The following CSMD2 variants were observed in gnomAD, a reference collection of about 807,000 sequenced individuals.
CSMD2 encodes CUB and Sushi multiple domains 2.
In CSMD2, 130 loss-of-function variants were observed where a neutral mutation model predicts 398.5. The observed-to-expected ratio is 0.33, with a 90% CI of 0.28 to 0.38. The LOEUF (loss-of-function observed/expected upper bound fraction) is 0.38, where lower values mean the gene tolerates loss of function less well. Among genes scored for constraint, CSMD2 ranks in the 10% least tolerant of loss-of-function variants. The pLI is 1.00. For synonymous variants in CSMD2, 1,828 were observed against 1,908.5 expected, an observed-to-expected ratio of 0.96 and a Z score of 1.10; for missense variants, 3,829 against 4,764.9, an observed-to-expected ratio of 0.80 and a Z score of 5.78.
intron 1 of CSMD2, among the ~76,000 whole-genome samples, chr1:34,106,967 C>T (rs956717681): frequency 6.6e-6 from 1 of 152,228 alleles, no homozygotes; most frequent in African/African-American, 2.4e-5. Flanking sequence ...CCTAAGCCAA[C>T]ACTAGTCAAG....
chr1:33,778,422 G>A (rs758076773), intron 12 of CSMD2, among the ~76,000 whole-genome samples: 1 of 152,046 alleles, frequency 6.6e-6, no homozygotes, highest in Non-Finnish European at 1.5e-5. Flanking sequence ...GTATAACAGC[G>A]AATAAAAGGA....
At chr1:33,699,152 T>C (rs1461770365) in intron 23 of CSMD2, among the ~76,000 whole-genome samples, 2 of 152,176 alleles carry the variant, frequency 1.3e-5, no homozygotes, top group Non-Finnish European at 2.9e-5. Flanking sequence ...TATATGTAAA[T>C]GATTTCTGCT....
chr1:34,139,808 T>C (rs1639101594), intron 1 of CSMD2, among the ~76,000 whole-genome samples: 1 of 152,204 alleles, frequency 6.6e-6, no homozygotes, highest in Non-Finnish European at 1.5e-5. Flanking sequence ...ATCTTATTCA[T>C]TGTTGTTGTT....
intron 14 of CSMD2, among the ~76,000 whole-genome samples, chr1:33,742,541 C>G (rs4393118): frequency 0.44 from 65,884 of 148,352 alleles, 15,130 homozygotes; most frequent in African/African-American, 0.51. Flanking sequence ...TTCTTGCTAT[C>G]TTTGGTGGCT....
chr1:33,960,960 G>A (rs1645338459), intron 3 of CSMD2, among the ~76,000 whole-genome samples: 1 of 152,204 alleles, frequency 6.6e-6, no homozygotes, highest in South Asian at 2.1e-4. Flanking sequence ...ATCCCTGTGT[G>A]GGCACAGACA....
Position 33,533,088 on chromosome 1 carries a change from G to A in CSMD2, c.10133C>T (p.Ala3378Val), listed in dbSNP as rs544963998. 73 of 1,613,462 alleles carry A rather than the reference G, an allele frequency of 4.5e-5. No homozygotes were observed. The highest frequency in any genetic ancestry group is 5.8e-5 in the Non-Finnish European group (68 of 1,179,874). ...CGGCTTGCCTGTCCAGCTGCCATCC[G>A]CCTTGCAGGTGCGGTGCTCGGAGCC... ...KGGSEHRTCK[A>V]DGSWTGKPPI... Residue 3378 changes from alanine (A) to valine (V), a missense_variant, in exon 64 of 71, where the codon GCG becomes GTG. Around this residue, in one of 5 missense-constraint regions of CSMD2, gnomAD observed 917 missense variants for 1,199.5 expected, o/e 0.76. Transcript: ENST00000373381. This position sits in a 1 kb window ranked among gnomAD's most constrained non-coding sequence, Gnocchi z 4.2.
intron 41 of CSMD2, among the ~76,000 whole-genome samples, chr1:33,608,912 A>G (rs1640814793): frequency 6.6e-6 from 1 of 152,208 alleles, no homozygotes; most frequent in Admixed American, 6.5e-5. Context: ...ACTAAGACAC[A>G]GGAAAGCCTT....
chr1:33,915,699 G>C (rs143985315), intron 5 of CSMD2, among the ~76,000 whole-genome samples: 16 of 152,352 alleles, frequency 1.1e-4, no homozygotes, highest in African/African-American at 3.1e-4. Flanking sequence ...CAGGGAACTG[G>C]CAAGGGTATT....
rs545789016 is a variant in CSMD2, at chr1:33,679,959, C to T, written c.4052+12971G>A. 3.9e-4 allele frequency among the ~76,000 whole-genome samples: 58 copies of T among 148,636 alleles called. No homozygotes were observed. In the Middle Eastern group the frequency reaches 0.011, roughly 27 times the overall value. ...TTTTTGAGATGGAGTCTTGCTCTGT[C>T]ACCCAGGCTGGAGTGCAGTGGCACA... On this transcript the variant is annotated intron_variant, in intron 25 of 70. Coordinates refer to ENST00000373381, the MANE Select transcript of CSMD2 (RefSeq NM_001281956.2).
chr1:33,596,907 G>T (rs772734271), intron 44 of CSMD2, among the ~76,000 whole-genome samples: 1 of 152,126 alleles, frequency 6.6e-6, no homozygotes, highest in Admixed American at 6.5e-5. Flanking sequence ...TTTAGCTTTC[G>T]TTTTATTTAT....
At chr1:33,949,115 C>T (rs1381763688) in intron 3 of CSMD2, among the ~76,000 whole-genome samples, 1 of 152,180 alleles carries the variant, frequency 6.6e-6, no homozygotes, top group African/African-American at 2.4e-5. Flanking sequence ...ATCTCAGCTT[C>T]CTCAGCAATA....
At chr1:33,935,702 T>G (rs1179225367) in intron 4 of CSMD2, 58 bp downstream of exon 4, 10 of 1,507,508 alleles carry the variant, frequency 6.6e-6, no homozygotes, top group Non-Finnish European at 8.9e-6. Flanking sequence ...CACTGGAAGC[T>G]CCAGCATCAC....
intron 3 of CSMD2, among the ~76,000 whole-genome samples, chr1:33,990,373 A>G (rs1646508257): frequency 1.3e-5 from 2 of 152,196 alleles, no homozygotes; most frequent in South Asian, 4.1e-4. Context: ...ATGGGCTGTG[A>G]GCTCACTCCT....
intron 3 of CSMD2, among the ~76,000 whole-genome samples, chr1:33,970,078 C>T (rs1434832585): frequency 6.6e-6 from 1 of 150,582 alleles, no homozygotes; most frequent in Admixed American, 6.6e-5. Flanking sequence ...TGCACTCCAG[C>T]CTGGGCAACA....
rs141885897 is a variant in CSMD2, at chr1:34,078,051, T to A, written c.404+10926A>T. Among the ~76,000 whole-genome samples, 199 of 152,298 alleles carry A rather than the reference T, an allele frequency of 1.3e-3. 4 individuals carry two copies. In the East Asian group the frequency reaches 0.027, roughly 21 times the overall value. On this transcript the variant is annotated intron_variant, in intron 2 of 70. Transcript: ENST00000373381. The stretch of plus-strand genomic sequence containing the variant: ...GGTTTTACTGTGTTGCCCGTGCTAG[T>A]CTTGAATTCCCAGGTTCAAACAATC...
chr1:33,629,256 G>C (rs987728431), intron 32 of CSMD2, among the ~76,000 whole-genome samples: 2 of 152,074 alleles, frequency 1.3e-5, no homozygotes, highest in Non-Finnish European at 2.9e-5. Context: ...TAATATAAAA[G>C]TCCAAATATA....
intron 1 of CSMD2, among the ~76,000 whole-genome samples, chr1:34,160,843 C>T (rs1423669743): frequency 6.6e-6 from 1 of 152,078 alleles, no homozygotes; most frequent in Non-Finnish European, 1.5e-5. Context: ...ACATACAAAG[C>T]AGGGGAAATT....
intron 6 of CSMD2, among the ~76,000 whole-genome samples, chr1:33,838,115 A>G (rs776303433): frequency 6.6e-6 from 1 of 152,132 alleles, no homozygotes; most frequent in Non-Finnish European, 1.5e-5. Flanking sequence ...TTTCTTCCCA[A>G]TGGATTCAGA....
chr1:34,128,997 A>G (rs1402410116), intron 1 of CSMD2, among the ~76,000 whole-genome samples: 1 of 89,500 alleles, frequency 1.1e-5, no homozygotes, highest in Admixed American at 1.4e-4. Context: ...CACTACATAC[A>G]TGTGTACCCC....
Sources: allele counts gnomAD v4.1 joint callset (sites outside exome capture counted in the v4.1 genomes callset), GRCh38; gene constraint gnomAD v4.1.1; regional missense constraint gnomAD v4.1.1; non-coding constraint Gnocchi (gnomAD v3.1); transcripts MANE v1.5; gene names NCBI Gene and HGNC (gene_info 2026-07-23, HGNC 2026-07-21).